The following PCDH9 variants were observed in gnomAD, a reference collection of about 807,000 sequenced individuals.
PCDH9 encodes protocadherin 9.
In PCDH9, 24 loss-of-function variants were observed where a neutral mutation model predicts 70.6. That is an observed-to-expected ratio of 0.34 (90% CI 0.25 to 0.48). PCDH9 has a LOEUF of 0.48. Among genes scored for constraint, PCDH9 ranks in the 20% least tolerant of loss-of-function variants. PCDH9 has a pLI of 0.99. For synonymous variants in PCDH9, 562 were observed against 558.5 expected, an observed-to-expected ratio of 1.01 and a Z score of -0.09; for missense variants, 1,281 against 1,503.6, an observed-to-expected ratio of 0.85 and a Z score of 2.45.
intron 2 of PCDH9, among the ~76,000 whole-genome samples, chr13:66,983,979 T>C (rs2139780017): frequency 6.6e-6 from 1 of 152,212 alleles, no homozygotes; most frequent in Non-Finnish European, 1.5e-5. Context: ...AAAGTTCTCA[T>C]CCTGAGCATT....
chr13:66,849,537 G>GAGAA (rs2081280888), intron 3 of PCDH9, among the ~76,000 whole-genome samples: 1 of 149,390 alleles, frequency 6.7e-6, no homozygotes, highest in Non-Finnish European at 1.5e-5. Flanking sequence ...GAGAGAGAGA[G>GAGAA]AGAGAGAGAT....
intron 2 of PCDH9, among the ~76,000 whole-genome samples, chr13:67,124,011 G>A (rs918343946): frequency 1.7e-4 from 26 of 152,024 alleles, no homozygotes; most frequent in African/African-American, 6.3e-4. Context: ...TTGCTATTAT[G>A]CCTAGCCATG....
intron 4 of PCDH9, among the ~76,000 whole-genome samples, chr13:66,336,461 T>C (rs909485258): frequency 1.3e-5 from 2 of 152,046 alleles, no homozygotes; most frequent in Non-Finnish European, 2.9e-5. Flanking sequence ...GCTATCTCAA[T>C]GATTTTAATA....
chr13:67,023,366 G>T (rs150182262), intron 2 of PCDH9, among the ~76,000 whole-genome samples: 3 of 152,050 alleles, frequency 2.0e-5, no homozygotes, highest in Non-Finnish European at 4.4e-5. Context: ...TAACACAATC[G>T]CAGGACTTCA....
At chr13:66,762,774 A>C (rs2079649569) in intron 3 of PCDH9, among the ~76,000 whole-genome samples, 1 of 151,984 alleles carries the variant, frequency 6.6e-6, no homozygotes, top group Admixed American at 6.6e-5. Context: ...AAATGTATTT[A>C]TTTGATATTA....
At chr13:66,685,331 A>G (rs2078385796) in intron 3 of PCDH9, among the ~76,000 whole-genome samples, 1 of 152,250 alleles carries the variant, frequency 6.6e-6, no homozygotes, top group South Asian at 2.1e-4. Flanking sequence ...GCAAGCCCCA[A>G]GCCTTGTTGG....
chr13:66,928,859 A>G (rs55994430), intron 2 of PCDH9, among the ~76,000 whole-genome samples: 14 of 68,218 alleles, frequency 2.1e-4, no homozygotes, highest in African/African-American at 6.0e-4. Flanking sequence ...ATAACGAGGG[A>G]AAAAAAAATG....
chr13:67,037,458 A>AT (rs1421755439), intron 2 of PCDH9, among the ~76,000 whole-genome samples: 2 of 152,090 alleles, frequency 1.3e-5, no homozygotes, highest in Non-Finnish European at 2.9e-5. Context: ...ATTTTAAAGG[A>AT]TTTTTTGTTT....
intron 2 of PCDH9, among the ~76,000 whole-genome samples, chr13:67,149,015 C>G (rs1594578099): frequency 6.6e-6 from 1 of 152,248 alleles, no homozygotes; most frequent in South Asian, 2.1e-4. Context: ...GCAAAACTTA[C>G]AAAGGTTTTT....
chr13:66,666,940 C>T (rs1358625272), intron 3 of PCDH9, among the ~76,000 whole-genome samples: 2 of 152,020 alleles, frequency 1.3e-5, no homozygotes, highest in Admixed American at 6.5e-5. Context: ...AAAAATAAAA[C>T]CTAGATACAC....
chr13:66,930,628 A>T (rs2082791254), intron 2 of PCDH9, among the ~76,000 whole-genome samples: 1 of 152,136 alleles, frequency 6.6e-6, no homozygotes, highest in Non-Finnish European at 1.5e-5. Flanking sequence ...TCTATTAATG[A>T]TCATGGTCAT....
chr13:66,694,921 T>G (rs2078539202), intron 3 of PCDH9, among the ~76,000 whole-genome samples: 2 of 150,718 alleles, frequency 1.3e-5, no homozygotes. Flanking sequence ...TTTTTTTTTT[T>G]GAGACAGAGT....
chr13:66,705,206 A>G (rs1442406544), intron 3 of PCDH9, among the ~76,000 whole-genome samples: 2 of 152,156 alleles, frequency 1.3e-5, no homozygotes, highest in African/African-American at 4.8e-5. Context: ...ATATTTTTAC[A>G]TTATAGAAAT....
At chr13:67,175,447 G>T (rs1332726237) in intron 2 of PCDH9, among the ~76,000 whole-genome samples, 4 of 152,140 alleles carry the variant, frequency 2.6e-5, no homozygotes, top group Admixed American at 1.3e-4. Context: ...AGCAGGGCCT[G>T]GAACAAACAG....
chr13:67,209,377 T>G (rs1360494286), intron 2 of PCDH9: 2 of 152,136 alleles, frequency 1.3e-5, no homozygotes, highest in African/African-American at 4.8e-5. Flanking sequence ...AGAGACTGCT[T>G]AATATGATTA....
chr13:66,760,472 A>G (rs1951005710), intron 3 of PCDH9, among the ~76,000 whole-genome samples: 1 of 152,130 alleles, frequency 6.6e-6, no homozygotes, highest in African/African-American at 2.4e-5. Flanking sequence ...CCAAATTAAT[A>G]CTTTTATAAT....
intron 4 of PCDH9, among the ~76,000 whole-genome samples, chr13:66,418,698 C>G (rs1957505705): frequency 6.6e-6 from 1 of 151,554 alleles, no homozygotes; most frequent in Non-Finnish European, 1.5e-5. Flanking sequence ...CAAAAGCAAA[C>G]AAATTCAAAA....
intron 3 of PCDH9, among the ~76,000 whole-genome samples, chr13:66,632,471 C>A (rs993042825): frequency 3.9e-5 from 6 of 152,136 alleles, no homozygotes; most frequent in Admixed American, 3.9e-4. Context: ...AATAGAATAT[C>A]CTAGTTGAAA....
chr13:66,849,425 A>AATATATGACT (rs138258636), intron 3 of PCDH9, among the ~76,000 whole-genome samples: 1 of 149,376 alleles, frequency 6.7e-6, no homozygotes, highest in African/African-American at 2.5e-5. Context: ...TATATATGAA[A>AATATATGACT]ATATATGACT....
Sources: gnomAD v4.1 joint callset for allele counts (sites outside exome capture counted in the v4.1 genomes callset) on GRCh38, gnomAD v4.1.1 for gene constraint, MANE v1.5 for transcripts, NCBI Gene and HGNC (gene_info 2026-07-23, HGNC 2026-07-21) for gene names.